The following NPHP1 variants were observed in gnomAD, a reference collection of about 807,000 sequenced individuals.
NPHP1 encodes the protein nephrocystin 1.
NPHP1 carries 70 observed loss-of-function variants against 90.4 expected under a neutral mutation model. The ratio of observed to expected loss-of-function variants is 0.77; its 90% CI spans 0.64 to 0.95. The LOEUF is 0.95. Ranked by LOEUF, NPHP1 falls within the 40% of genes least tolerant of loss-of-function variation. NPHP1 has a pLI of 0.00. For synonymous variants in NPHP1, 256 were observed against 271.7 expected, an observed-to-expected ratio of 0.94 and a Z score of 0.57; for missense variants, 764 against 795.9, an observed-to-expected ratio of 0.96 and a Z score of 0.48.
In NPHP1 at chr2:110,133,405, C is replaced by T. The variant is rs140421753; in HGVS notation, c.1530-1614G>A. Among the ~76,000 whole-genome samples the T allele has an allele frequency of 5.2e-3, 795 of 152,052 alleles. 4 individuals are homozygous for T. Among genetic ancestry groups the T allele is most frequent in the Non-Finnish European group, 9.6e-3 (650 of 67,922 alleles). On this transcript the variant is annotated intron_variant, in intron 16 of 19. Coordinates refer to ENST00000445609, the MANE Select transcript of NPHP1 (RefSeq NM_001128178.3). ...CATCAGTGCTCCTAAATATATGAAG[C>T]AAACACTGACAGAATTGAAGGGAGC... is the stretch of plus-strand genomic sequence containing the variant.
chr2:110,184,793 C>T (rs530656914), intron 2 of NPHP1: 2 of 708,684 alleles, frequency 2.8e-6, no homozygotes, highest in East Asian at 3.0e-5. Context: ...AGAGAAGGCT[C>T]AGTACTACCT....
At chr2:110,182,516 C>G (rs1683977389) in intron 2 of NPHP1, among the ~76,000 whole-genome samples, 1 of 152,068 alleles carries the variant, frequency 6.6e-6, no homozygotes, top group South Asian at 2.1e-4. Flanking sequence ...AAATTTCCAA[C>G]CCAGAATTTC....
intron 13 of NPHP1, among the ~76,000 whole-genome samples, chr2:110,147,617 G>T (rs1051027390): frequency 6.6e-6 from 1 of 152,130 alleles, no homozygotes; most frequent in South Asian, 2.1e-4. Flanking sequence ...GAACCATGGC[G>T]CTGGGATGCC....
chr2:110,157,042 G>A (rs1476405115), intron 11 of NPHP1, among the ~76,000 whole-genome samples: 1 of 151,938 alleles, frequency 6.6e-6, no homozygotes. Flanking sequence ...CCCAAAGTGC[G>A]GGGATTACAG....
chr2:110,183,658 A>G (rs1243718078), intron 2 of NPHP1, among the ~76,000 whole-genome samples: 2 of 152,132 alleles, frequency 1.3e-5, no homozygotes, highest in African/African-American at 2.4e-5. Flanking sequence ...TCATACAGCA[A>G]GTTCTTATGA....
chr2:110,175,354 G>C, intron 4 of NPHP1, among the ~76,000 whole-genome samples: 1 of 152,094 alleles, frequency 6.6e-6, no homozygotes, highest in Non-Finnish European at 1.5e-5. Flanking sequence ...ATCATTGTCT[G>C]CTAGCCTGAA....
At chr2:110,142,413 C>T (rs1271783399) in intron 16 of NPHP1, among the ~76,000 whole-genome samples, 5 of 151,846 alleles carry the variant, frequency 3.3e-5, no homozygotes, top group Admixed American at 6.6e-5. Context: ...ACCATCACAG[C>T]TCACTGCAGC....
intron 2 of NPHP1, among the ~76,000 whole-genome samples, chr2:110,186,728 A>G (rs1212354172): frequency 6.6e-6 from 1 of 152,110 alleles, no homozygotes. Flanking sequence ...AGTGCACTTA[A>G]CAACTCACCT....
chr2:110,184,353 C>T (rs1325994551), intron 2 of NPHP1: 11 of 609,484 alleles, frequency 1.8e-5, no homozygotes, highest in Admixed American at 2.2e-5. Flanking sequence ...GGACCAGCTG[C>T]AGACTTTCTC....
At chr2:110,137,035 C>T (rs1202222051) in intron 16 of NPHP1, among the ~76,000 whole-genome samples, 5 of 152,150 alleles carry the variant, frequency 3.3e-5, no homozygotes, top group Admixed American at 6.5e-5. Context: ...CTACAACCAT[C>T]TGATCTTTGA....
At chr2:110,182,884 T>C (rs548447451) in intron 2 of NPHP1, among the ~76,000 whole-genome samples, 50 of 152,204 alleles carry the variant, frequency 3.3e-4, no homozygotes, top group African/African-American at 1.1e-3. Flanking sequence ...ATCGGTATGC[T>C]GTCTTCAAGA....
Position 110,136,856 on chromosome 2 carries a change from G to A in NPHP1, c.1530-5065C>T, listed in dbSNP as rs978838911. Among the ~76,000 whole-genome samples, 277 of 152,140 alleles carry A rather than the reference G, an allele frequency of 1.8e-3. 2 individuals are homozygous for A. The highest frequency in any genetic ancestry group is 6.2e-3 in the African/African-American group (258 of 41,524). ...TTCACATGGAACCAAAAAAGAGCCC[G>A]CATTGCCAAGTCAATCCTAAGCCAA... On this transcript the variant is annotated intron_variant, in intron 16 of 19. Coordinates refer to ENST00000445609, the MANE Select transcript of NPHP1 (RefSeq NM_001128178.3).
At chr2:110,136,215 C>T (rs1378551825) in intron 16 of NPHP1, among the ~76,000 whole-genome samples, 1 of 152,098 alleles carries the variant, frequency 6.6e-6, no homozygotes, top group Non-Finnish European at 1.5e-5. Context: ...CAGCCAATAT[C>T]ATAATGAATG....
Position 110,175,291 on chromosome 2 carries a change from C to A in NPHP1, c.329+3132G>T, listed in dbSNP as rs572996012. 4.6e-5 allele frequency among the ~76,000 whole-genome samples: 7 copies of A among 152,124 alleles called. No homozygotes were observed. In the South Asian group the frequency reaches 1.2e-3, roughly 27 times the overall value. ...AAGAAAAAATAGGCTTTTATATGTA[C>A]CCACGTACCCATCTTCTTCAATCCT... On this transcript the variant is annotated intron_variant, in intron 4 of 19. Transcript: ENST00000445609.
chr2:110,176,743 T>G (rs1375360205), intron 4 of NPHP1, among the ~76,000 whole-genome samples: 1 of 152,176 alleles, frequency 6.6e-6, no homozygotes, highest in Non-Finnish European at 1.5e-5. Context: ...GGCCTGGGCC[T>G]TCTGTGTCCT....
chr2:110,202,072 T>A (rs1016331729), intron 1 of NPHP1, among the ~76,000 whole-genome samples: 1 of 152,196 alleles, frequency 6.6e-6, no homozygotes, highest in Non-Finnish European at 1.5e-5. Context: ...CCACAAAGCA[T>A]GTTTTTGAGA....
chr2:110,186,048 T>C (rs1421452434), intron 2 of NPHP1, among the ~76,000 whole-genome samples: 1 of 152,166 alleles, frequency 6.6e-6, no homozygotes. Context: ...GCCACACTAA[T>C]GTTTATAGCA....
chr2:110,202,380 T>C (rs1410525806), intron 1 of NPHP1: 3 of 447,634 alleles, frequency 6.7e-6, no homozygotes, highest in Non-Finnish European at 1.4e-5. Flanking sequence ...CACCTAGTGA[T>C]AGAGCCAGTC....
At chr2:110,193,411 G>C (rs1684900830) in intron 2 of NPHP1, among the ~76,000 whole-genome samples, 1 of 151,444 alleles carries the variant, frequency 6.6e-6, no homozygotes, top group Non-Finnish European at 1.5e-5. Flanking sequence ...AGACAAAGAA[G>C]GCCATTACAT....
Sources: gnomAD v4.1 joint callset for allele counts (sites outside exome capture counted in the v4.1 genomes callset) on GRCh38, gnomAD v4.1.1 for gene constraint, MANE v1.5 for transcripts, NCBI Gene and HGNC (gene_info 2026-07-23, HGNC 2026-07-21) for gene names.